The following HNRNPC variants were observed in gnomAD, a reference collection of about 807,000 sequenced individuals.
HNRNPC encodes heterogeneous nuclear ribonucleoproteins C1/C2.
A neutral mutation model predicts 33.2 loss-of-function variants in HNRNPC; 3 were observed. That is an observed-to-expected ratio of 0.09 (90% CI 0.04 to 0.23). The LOEUF (loss-of-function observed/expected upper bound fraction) is 0.23, where lower values mean the gene tolerates loss of function less well. Among genes scored for constraint, HNRNPC ranks in the 10% least tolerant of loss-of-function variants. The probability of loss-of-function intolerance (pLI) is 1.00; values close to 1 mark genes in which losing one functional copy is unlikely to be tolerated. For missense variants in HNRNPC, 143 were observed against 366.7 expected (o/e 0.39, Z 4.98); for synonymous variants, 121 against 126.7 (o/e 0.96, Z 0.30).
At chr14:21,254,665 G>A (rs1359171026) in intron 2 of HNRNPC, 2 of 152,192 alleles carry the variant, frequency 1.3e-5, no homozygotes, top group African/African-American at 4.8e-5. Context: ...CAGCACTTTG[G>A]GAGGCCGAGA....
chr14:21,209,998 C>G lies in HNRNPC; in HGVS notation c.*1225G>C, dbSNP rs564665271. The G allele has an allele frequency of 2.0e-5, 3 of 152,286 alleles. No homozygotes were observed. Among genetic ancestry groups the G allele is most frequent in the South Asian group, 2.1e-4 (1 of 4,820 alleles). 9.4% of individuals were successfully genotyped at this position (152,286 alleles called of 1,614,324 possible). On this transcript the variant is annotated 3_prime_UTR_variant, in exon 9 of 9. Coordinates refer to ENST00000553300, the MANE Select transcript of HNRNPC (RefSeq NM_004500.4). ...TAGAGTAAAATAAATGTGTAACATT[C>G]TCTATGTTCTCAATCACCTGGGAAG...
chr14:21,242,304 G>A (rs1373341389), intron 2 of HNRNPC, among the ~76,000 whole-genome samples: 1 of 152,154 alleles, frequency 6.6e-6, no homozygotes, highest in Non-Finnish European at 1.5e-5. Flanking sequence ...TCAACATAGT[G>A]AAACCCCATC....
At chr14:21,215,669 G>C (rs547793163) in intron 5 of HNRNPC, among the ~76,000 whole-genome samples, 14 of 152,262 alleles carry the variant, frequency 9.2e-5, no homozygotes, top group African/African-American at 2.9e-4. Flanking sequence ...GGGAGGCGGA[G>C]GCAGGTGGAT....
intron 2 of HNRNPC, among the ~76,000 whole-genome samples, chr14:21,252,692 T>C (rs1896804413): frequency 6.6e-6 from 1 of 152,182 alleles, no homozygotes; most frequent in Non-Finnish European, 1.5e-5. Flanking sequence ...CTAATTCTTT[T>C]TAAAATACAC....
intron 5 of HNRNPC, among the ~76,000 whole-genome samples, chr14:21,215,922 A>G (rs1480524921): frequency 6.8e-5 from 10 of 146,600 alleles, no homozygotes; most frequent in African/African-American, 2.3e-4. Flanking sequence ...AGAAAGGAAG[A>G]AAGAAAGAAA....
intron 5 of HNRNPC, among the ~76,000 whole-genome samples, chr14:21,228,104 T>C (rs1893684568): frequency 6.6e-6 from 1 of 152,218 alleles, no homozygotes; most frequent in South Asian, 2.1e-4. Flanking sequence ...ATATTTTAAA[T>C]GTGGTCAAGC....
At position 21,231,165 on chromosome 14, in the gene HNRNPC, C is replaced by T. The variant is rs567095612; in HGVS notation, c.242-93G>A. On this transcript the variant is annotated intron_variant, in intron 3 of 8. Transcript: ENST00000553300. ...TTTTTTTATTTTTGAGACATAGTTT[C>T]GCTTTCTCGCTCAGGCTGGAGTGCA... 6.8e-5 allele frequency: 85 copies of T among 1,258,456 alleles called. No homozygotes were observed. The Middle Eastern group carries it at 1.4e-3, about 21-fold the overall frequency. The allele number at this position is 1,258,456 out of a possible 1,614,324, so 78.0% of individuals were successfully genotyped here. A position where few individuals can be genotyped will look rare whatever the true frequency, so the allele number is the denominator to read the frequency against.
At chr14:21,235,042 A>G (rs1246164307) in intron 2 of HNRNPC, among the ~76,000 whole-genome samples, 1 of 152,226 alleles carries the variant, frequency 6.6e-6, no homozygotes, top group Admixed American at 6.5e-5. Context: ...AGAAAAATAC[A>G]CAACTTTCCA....
intron 1 of HNRNPC, chr14:21,265,110 G>A (rs904971847): frequency 6.6e-6 from 1 of 152,186 alleles, no homozygotes; most frequent in African/African-American, 2.4e-5. Flanking sequence ...TTTTTAAAAA[G>A]AACAGTGTAG....
chr14:21,229,242 T>C (rs979861720), intron 5 of HNRNPC, among the ~76,000 whole-genome samples: 6 of 151,424 alleles, frequency 4.0e-5, no homozygotes, highest in African/African-American at 1.5e-4. Flanking sequence ...TACAAAAAAT[T>C]AGCCGGGTGT....
intron 5 of HNRNPC, among the ~76,000 whole-genome samples, chr14:21,217,700 T>C (rs1892340940): frequency 6.6e-6 from 1 of 152,182 alleles, no homozygotes; most frequent in Non-Finnish European, 1.5e-5. Context: ...GAATTACAAA[T>C]ATTAGTATTT....
chr14:21,222,089 AT>A (rs1892892290), intron 5 of HNRNPC, among the ~76,000 whole-genome samples: 1 of 150,902 alleles, frequency 6.6e-6, no homozygotes, highest in Non-Finnish European at 1.5e-5. Context: ...ATGAAAAGAC[AT>A]TCAATATTTT....
At chr14:21,254,181 T>C (rs538924645) in intron 2 of HNRNPC, among the ~76,000 whole-genome samples, 2 of 152,222 alleles carry the variant, frequency 1.3e-5, no homozygotes, top group East Asian at 3.9e-4. Context: ...TGCACAACTG[T>C]AGTTTTGACT....
At chr14:21,229,951 T>C (rs2048077694) in intron 5 of HNRNPC, among the ~76,000 whole-genome samples, 1 of 152,234 alleles carries the variant, frequency 6.6e-6, no homozygotes, top group Admixed American at 6.5e-5. Flanking sequence ...GTTATCAGAA[T>C]GTCAATGTGG....
chr14:21,228,484 CG>C (rs1466333192), intron 5 of HNRNPC, among the ~76,000 whole-genome samples: 1 of 152,004 alleles, frequency 6.6e-6, no homozygotes, highest in Non-Finnish European at 1.5e-5. Context: ...CTCCACCTCC[CG>C]GGATCAAGCA....
intron 2 of HNRNPC, among the ~76,000 whole-genome samples, chr14:21,254,232 A>T (rs1302383194): frequency 1.3e-5 from 2 of 152,176 alleles, no homozygotes; most frequent in African/African-American, 4.8e-5. Context: ...GGGGACGAGT[A>T]CAACAGTGTA....
At chr14:21,241,215 C>T (rs147040821) in intron 2 of HNRNPC, among the ~76,000 whole-genome samples, 7 of 146,148 alleles carry the variant, frequency 4.8e-5, no homozygotes, top group Non-Finnish European at 1.0e-4. Context: ...GCCGAGATTG[C>T]ACCCCTGCAC....
intron 2 of HNRNPC, among the ~76,000 whole-genome samples, chr14:21,252,929 ACTTTG>A (rs1896826524): frequency 1.3e-5 from 2 of 152,170 alleles, no homozygotes; most frequent in Non-Finnish European, 2.9e-5. Flanking sequence ...TAATCCCAGC[ACTTTG>A]GGAGGCCGAG....
chr14:21,212,059 T>C (rs1891664521), intron 6 of HNRNPC, 136 bp from the exon 7 acceptor site: 1 of 669,770 alleles, frequency 1.5e-6, no homozygotes. Context: ...GATTTCTCGG[T>C]AATAAAGGCC....
Sources: allele counts gnomAD v4.1 joint callset (sites outside exome capture counted in the v4.1 genomes callset), GRCh38; gene constraint gnomAD v4.1.1; transcripts MANE v1.5; gene names NCBI Gene and HGNC (gene_info 2026-07-23, HGNC 2026-07-21).